CLSTN2: variants seen among roughly 807,000 people sequenced by gnomAD.
CLSTN2 encodes the protein calsyntenin 2, also known as calsyntenin-2.
In CLSTN2, 48 loss-of-function variants were observed where a neutral mutation model predicts 101.2. That is an observed-to-expected ratio of 0.47 (90% CI 0.38 to 0.60). The LOEUF (loss-of-function observed/expected upper bound fraction) is 0.60, where lower values mean the gene tolerates loss of function less well. CLSTN2 is among the 20% of genes least tolerant of loss of function. The pLI is 0.00. For synonymous variants in CLSTN2, 481 were observed against 463.6 expected (o/e 1.04, Z -0.48); for missense variants, 1,160 against 1,238.2 (o/e 0.94, Z 0.95).
rs147221559 is a variant in CLSTN2, at chr3:140,066,271, G to A, written c.110-109680G>A. 5.3e-3 allele frequency among the ~76,000 whole-genome samples: 812 copies of A among 152,312 alleles called. 4 individuals are homozygous for A. The highest frequency in any genetic ancestry group is 8.0e-3 in the Non-Finnish European group (545 of 68,024). Reference sequence around the variant, plus strand: ...CTGTCTGTCTGCAGTCCCAGTGTGAGCTGCAGAGCAGCCTCCCACTTCCTA... The same window carrying A: ...CTGTCTGTCTGCAGTCCCAGTGTGAACTGCAGAGCAGCCTCCCACTTCCTA... On this transcript the variant is annotated intron_variant, in intron 1 of 16. Transcript: ENST00000458420.
intron 1 of CLSTN2, among the ~76,000 whole-genome samples, chr3:140,095,198 C>T (rs2008848762): frequency 6.6e-6 from 1 of 152,166 alleles, no homozygotes; most frequent in South Asian, 2.1e-4. Flanking sequence ...TGTCTGGGGG[C>T]TAGGAGCGTT....
rs531774029 is a variant in CLSTN2, at chr3:140,269,834, C to T, written c.232+93761C>T. Reference sequence around the variant, plus strand: ...AAATCCCAGCTCCATTATTCACTAGCTGTCTGATCCCACCTAAGTTGTATA... The same window carrying T: ...AAATCCCAGCTCCATTATTCACTAGTTGTCTGATCCCACCTAAGTTGTATA... On this transcript the variant is annotated intron_variant, in intron 2 of 16. Coordinates refer to ENST00000458420, the MANE Select transcript of CLSTN2 (RefSeq NM_022131.3). 5.3e-5 allele frequency among the ~76,000 whole-genome samples: 8 copies of T among 152,320 alleles called. No individual in the cohort carries two copies. The East Asian group carries it at 1.2e-3, about 22-fold the overall frequency.
rs138508768 is a variant in CLSTN2, at chr3:140,344,947, C to G, written c.233-58682C>G. 5.9e-5 allele frequency among the ~76,000 whole-genome samples: 9 copies of G among 152,272 alleles called. No individual in the cohort carries two copies. In the East Asian group the frequency reaches 1.7e-3, roughly 29 times the overall value. On this transcript the variant is annotated intron_variant, in intron 2 of 16. Transcript: ENST00000458420. The stretch of plus-strand genomic sequence containing the variant: ...GAGAAGCACAGAAAGAAATGGGGCT[C>G]TGGCATTTCCAAGTGGGCAGGCCAT...
intron 9 of CLSTN2, among the ~76,000 whole-genome samples, chr3:140,537,331 G>T (rs1935378828): frequency 6.6e-6 from 1 of 152,092 alleles, no homozygotes; most frequent in African/African-American, 2.4e-5. Context: ...TAGCCAATTT[G>T]AAAGCCAAAA....
chr3:140,481,491 A>C (rs1282238155), intron 8 of CLSTN2, among the ~76,000 whole-genome samples: 1 of 152,192 alleles, frequency 6.6e-6, no homozygotes, highest in Non-Finnish European at 1.5e-5. Flanking sequence ...GAAGAAAGTC[A>C]TTGGTAGCTT....
chr3:140,203,461 GTTTTTT>G (rs58182333), intron 2 of CLSTN2, among the ~76,000 whole-genome samples: 1 of 67,898 alleles, frequency 1.5e-5, no homozygotes, highest in African/African-American at 5.5e-5. Context: ...GAAAGTGTGG[GTTTTTT>G]TTTTTTTTTT....
intron 2 of CLSTN2, among the ~76,000 whole-genome samples, chr3:140,351,797 T>G (rs1053422856): frequency 1.8e-4 from 27 of 151,862 alleles, no homozygotes; most frequent in East Asian, 5.8e-4. Flanking sequence ...GTTTTGTTTT[T>G]TTTTTTTCTT....
intron 6 of CLSTN2, chr3:140,449,406 T>C (rs893762143): frequency 2.6e-5 from 4 of 152,312 alleles, no homozygotes; most frequent in African/African-American, 9.6e-5. Context: ...GGCCGTGGAA[T>C]TGAGAAGCAG....
intron 2 of CLSTN2, among the ~76,000 whole-genome samples, chr3:140,241,538 T>C (rs1302864797): frequency 6.6e-6 from 1 of 152,156 alleles, no homozygotes; most frequent in Non-Finnish European, 1.5e-5. Flanking sequence ...TAACTGTTCC[T>C]AGACCTCTTG....
intron 2 of CLSTN2, among the ~76,000 whole-genome samples, chr3:140,185,537 C>T (rs921417639): frequency 1.3e-5 from 2 of 152,182 alleles, no homozygotes; most frequent in African/African-American, 2.4e-5. Context: ...CCCCATGACC[C>T]AGCCCACCTG....
chr3:140,557,212 TGGAGGGCTGCTA>T (rs1935815212), intron 11 of CLSTN2, among the ~76,000 whole-genome samples: 1 of 152,066 alleles, frequency 6.6e-6, no homozygotes, highest in Non-Finnish European at 1.5e-5. Context: ...GTGGCTACCT[TGGAGGGCTGCTA>T]GGAGGGGGAT....
chr3:140,360,981 A>T (rs1484541857), intron 2 of CLSTN2, among the ~76,000 whole-genome samples: 1 of 152,210 alleles, frequency 6.6e-6, no homozygotes, highest in Admixed American at 6.5e-5. Context: ...GAAATAGAGG[A>T]GGAAGAAATA....
At chr3:140,440,968 G>A (rs1018382786) in intron 5 of CLSTN2, among the ~76,000 whole-genome samples, 3 of 152,166 alleles carry the variant, frequency 2.0e-5, no homozygotes, top group South Asian at 2.1e-4. Flanking sequence ...ACCAAGATGG[G>A]GCGCTTCTGA....
chr3:140,437,279 A>T (rs957731454), intron 5 of CLSTN2, among the ~76,000 whole-genome samples: 9 of 151,844 alleles, frequency 5.9e-5, no homozygotes, highest in African/African-American at 2.2e-4. Context: ...TGATCTCCTG[A>T]CCTCACAATC....
intron 2 of CLSTN2, among the ~76,000 whole-genome samples, chr3:140,235,494 G>A (rs554301664): frequency 2.9e-4 from 44 of 152,314 alleles, no homozygotes; most frequent in African/African-American, 1.1e-3. Context: ...TGATAAACCA[G>A]GACCTAAGCT....
intron 2 of CLSTN2, among the ~76,000 whole-genome samples, chr3:140,297,742 A>G (rs1181559886): frequency 1.3e-5 from 2 of 152,186 alleles, no homozygotes; most frequent in African/African-American, 4.8e-5. Flanking sequence ...AAATTAGGAA[A>G]CCAAGGCTCA....
chr3:140,490,604 A>AAAC (rs1934335508), intron 8 of CLSTN2, among the ~76,000 whole-genome samples: 2 of 151,538 alleles, frequency 1.3e-5, no homozygotes, highest in South Asian at 4.2e-4. Flanking sequence ...CAGAAAAAAA[A>AAAC]AAAAAAAAAA....
At chr3:140,160,994 T>G (rs2010037683) in intron 1 of CLSTN2, among the ~76,000 whole-genome samples, 1 of 152,174 alleles carries the variant, frequency 6.6e-6, no homozygotes, top group African/African-American at 2.4e-5. Flanking sequence ...CAGTCAAAGC[T>G]TATTCATTCA....
chr3:140,086,541 C>T (rs2008685736), intron 1 of CLSTN2, among the ~76,000 whole-genome samples: 2 of 152,180 alleles, frequency 1.3e-5, no homozygotes, highest in Non-Finnish European at 2.9e-5. Context: ...TAAGTATTTG[C>T]TGTTATTGTA....
Sources: gnomAD v4.1 joint callset for allele counts (sites outside exome capture counted in the v4.1 genomes callset) on GRCh38, gnomAD v4.1.1 for gene constraint, MANE v1.5 for transcripts, NCBI Gene and HGNC (gene_info 2026-07-23, HGNC 2026-07-21) for gene names.